Variants in HERC4 observed in about 807,000 individuals in gnomAD.
The protein encoded by HERC4 is probable E3 ubiquitin-protein ligase HERC4.
In HERC4, 28 loss-of-function variants were observed where a neutral mutation model predicts 124.3. The observed-to-expected ratio is 0.23, with a 90% CI of 0.17 to 0.31. The LOEUF is 0.31. HERC4 is among the 10% of genes least tolerant of loss of function. The pLI, the probability that HERC4 is intolerant of heterozygous loss-of-function variation, is 1.00. For synonymous variants in HERC4, 407 were observed against 421.5 expected (o/e 0.97, Z 0.42); for missense variants, 713 against 1,229.3 (o/e 0.58, Z 6.28).
intron 9 of HERC4, chr10:68,010,691 A>G (rs2037896222): frequency 5.4e-6 from 8 of 1,479,434 alleles, no homozygotes; most frequent in Middle Eastern, 1.8e-4. Flanking sequence ...CCGCTTACAC[A>G]TGTTCTTGAA....
At position 68,057,231 on chromosome 10, in the gene HERC4, G is replaced by A. The variant is rs527794095; in HGVS notation, c.227-12668C>T. The stretch of plus-strand genomic sequence containing the variant: ...CTAAGCCAAAATATTATTCAGATTG[G>A]TGTGAAAATAACAGCAAATGCAAAA... On this transcript the variant is annotated intron_variant, in intron 3 of 24. Transcript: ENST00000373700. 7.9e-5 allele frequency among the ~76,000 whole-genome samples: 12 copies of A among 152,216 alleles called. No individual in the cohort carries two copies. In the South Asian group the frequency reaches 2.5e-3, roughly 32 times the overall value.
intron 9 of HERC4, among the ~76,000 whole-genome samples, chr10:67,999,861 C>T (rs1188075117): frequency 6.6e-6 from 1 of 152,110 alleles, no homozygotes; most frequent in East Asian, 1.9e-4. Flanking sequence ...AATTCCATCT[C>T]TTACTAAGTC....
chr10:68,052,788 T>A (rs1244545664), intron 3 of HERC4, among the ~76,000 whole-genome samples: 4 of 152,332 alleles, frequency 2.6e-5, no homozygotes, highest in African/African-American at 9.6e-5. Context: ...TCTGATAACG[T>A]CTGAATTGTG....
intron 15 of HERC4, among the ~76,000 whole-genome samples, chr10:67,967,029 T>C (rs2034916964): frequency 6.6e-6 from 1 of 152,190 alleles, no homozygotes; most frequent in South Asian, 2.1e-4. Context: ...TAATTTTTTG[T>C]ATTTTTAGTA....
At chr10:67,978,569 GC>G (rs527886997) in intron 15 of HERC4, among the ~76,000 whole-genome samples, 64 of 152,340 alleles carry the variant, frequency 4.2e-4, no homozygotes, top group African/African-American at 1.1e-3. Context: ...AAGGACACAG[GC>G]CAGGCTGGCT....
Position 67,922,816 on chromosome 10 carries a change from T to G in HERC4, c.*115A>C, listed in dbSNP as rs897811559. The G allele has an allele frequency of 6.7e-6, 5 of 746,562 alleles. No homozygotes were observed. The highest frequency in any genetic ancestry group is 1.1e-5 in the Non-Finnish European group (5 of 449,376). 46.2% of individuals were successfully genotyped at this position (746,562 alleles called of 1,614,324 possible). On this transcript the variant is annotated 3_prime_UTR_variant, in exon 25 of 25. Transcript: ENST00000373700. ...TCCATGAACACTCGTAGATTGAACA[T>G]TCTGCAAGTAAGAATTATAATAGTA...
chr10:67,968,100 T>C (rs965305858), intron 15 of HERC4, among the ~76,000 whole-genome samples: 1 of 152,012 alleles, frequency 6.6e-6, no homozygotes, highest in Non-Finnish European at 1.5e-5. Flanking sequence ...GAAACAGGAA[T>C]GGACACAAGT....
At position 67,922,417 on chromosome 10, in the gene HERC4, G is replaced by A. The variant is rs1042555918; in HGVS notation, c.*514C>T. 3.3e-5 allele frequency: 5 copies of A among 152,044 alleles called. No individual in the cohort carries two copies. Among genetic ancestry groups the A allele is most frequent in the African/African-American group, 1.2e-4 (5 of 41,410 alleles). The allele number at this position is 152,044 out of a possible 1,614,324, so 9.4% of individuals were successfully genotyped here. A position where few individuals can be genotyped will look rare whatever the true frequency, so the allele number is the denominator to read the frequency against. On this transcript the variant is annotated 3_prime_UTR_variant, in exon 25 of 25. Coordinates refer to ENST00000373700, the MANE Select transcript of HERC4 (RefSeq NM_015601.4). ...TTCTTTTTATAGAGTCTCAGAGTAA[G>A]ATTTAAATCATAATTTTTAACCTTT...
intron 9 of HERC4, among the ~76,000 whole-genome samples, chr10:68,000,201 C>G (rs751186922): frequency 3.0e-4 from 46 of 151,970 alleles, no homozygotes; most frequent in Non-Finnish European, 6.0e-4. Context: ...CTAACAGGGG[C>G]GATGCTGAGG....
intron 3 of HERC4, among the ~76,000 whole-genome samples, chr10:68,053,310 CTT>C (rs201367135): frequency 1.5e-4 from 21 of 143,630 alleles, no homozygotes; most frequent in Admixed American, 2.1e-4. Flanking sequence ...AAGCACTACA[CTT>C]TTTTTTTTTT....
At chr10:68,025,924 G>T (rs928243249) in intron 7 of HERC4, among the ~76,000 whole-genome samples, 2 of 152,006 alleles carry the variant, frequency 1.3e-5, no homozygotes, top group Non-Finnish European at 2.9e-5. Context: ...TTATTTATTT[G>T]CATTGCCTTT....
intron 15 of HERC4, among the ~76,000 whole-genome samples, chr10:67,980,589 A>T (rs908945482): frequency 6.6e-6 from 1 of 152,228 alleles, no homozygotes; most frequent in Admixed American, 6.5e-5. Context: ...ACTCAATAGT[A>T]TACAGAAAAA....
intron 21 of HERC4, among the ~76,000 whole-genome samples, chr10:67,937,579 CGTTTTT>C (rs1161224310): frequency 6.6e-6 from 1 of 151,310 alleles, no homozygotes; most frequent in Non-Finnish European, 1.5e-5. Flanking sequence ...CATAGAAAAT[CGTTTTT>C]GTTTTTGTTT....
intron 14 of HERC4, among the ~76,000 whole-genome samples, chr10:67,989,759 A>G (rs1278857913): frequency 6.6e-6 from 1 of 152,048 alleles, no homozygotes; most frequent in Non-Finnish European, 1.5e-5. Context: ...GAGCAATAAA[A>G]TCTAGTCTAT....
In HERC4 at chr10:67,922,396, T is replaced by G. The variant is rs144244668; in HGVS notation, c.*535A>C. The G allele has an allele frequency of 4.6e-5, 7 of 152,290 alleles. No homozygotes were observed. The highest frequency in any genetic ancestry group is 4.6e-4 in the Admixed American group (7 of 15,290). 9.4% of individuals were successfully genotyped at this position (152,290 alleles called of 1,614,324 possible). ...TTCCACCATGCTACCTTTTTTTTCTTTTTATAGAGTCTCAGAGTAAGATTT... is the reference window on the plus strand; with the variant it reads ...TTCCACCATGCTACCTTTTTTTTCTGTTTATAGAGTCTCAGAGTAAGATTT... On this transcript the variant is annotated 3_prime_UTR_variant, in exon 25 of 25. Coordinates refer to ENST00000373700, the MANE Select transcript of HERC4 (RefSeq NM_015601.4).
At chr10:68,056,385 T>C (rs750418058) in intron 3 of HERC4, among the ~76,000 whole-genome samples, 1 of 152,202 alleles carries the variant, frequency 6.6e-6, no homozygotes, top group Admixed American at 6.5e-5. Context: ...TCCTTCTATG[T>C]GCACCATAGT....
In HERC4 at chr10:68,072,999, C is replaced by T. The variant is rs151168656; in HGVS notation, c.110G>A (p.Arg37Gln). ...KSDFFINKRV[R>Q]DVGCGLRHTV... ...ATGTCTGAGTCCACATCCTACATCT[C>T]GGACCCTTTTATTTATAAAGAAGTC... is the stretch of plus-strand genomic sequence containing the variant. Residue 37 changes from arginine (R) to glutamine (Q), a missense_variant, in exon 3 of 25, where the codon CGA (arginine) becomes CAA (glutamine). Transcript: ENST00000373700. 167 of 1,613,942 alleles carry T rather than the reference C, an allele frequency of 1.0e-4. No individual in the cohort carries two copies. Among genetic ancestry groups the T allele is most frequent in the Middle Eastern group, 8.3e-4 (5 of 6,060 alleles).
At chr10:67,954,171 G>A (rs1325134932) in intron 19 of HERC4, 2 of 152,942 alleles carry the variant, frequency 1.3e-5, no homozygotes, top group Non-Finnish European at 2.9e-5. Flanking sequence ...TGGACAATAG[G>A]TAAAAGAGTG....
At chr10:68,043,759 T>C (rs1011594265) in intron 4 of HERC4, among the ~76,000 whole-genome samples, 1 of 151,404 alleles carries the variant, frequency 6.6e-6, no homozygotes, top group African/African-American at 2.4e-5. Context: ...GAGGTTGCAG[T>C]GAGCCGAGAT....
Sources: allele counts gnomAD v4.1 joint callset (sites outside exome capture counted in the v4.1 genomes callset), GRCh38; gene constraint gnomAD v4.1.1; transcripts MANE v1.5; gene names NCBI Gene and HGNC (gene_info 2026-07-23, HGNC 2026-07-21).